TRPS1: variants seen among roughly 807,000 people sequenced by gnomAD.
The protein encoded by TRPS1 is zinc finger transcription factor Trps1.
In TRPS1, 6 loss-of-function variants were observed where a neutral mutation model predicts 101.2. The ratio of observed to expected loss-of-function variants is 0.06; its 90% CI spans 0.03 to 0.12. The LOEUF (loss-of-function observed/expected upper bound fraction) is 0.12, where lower values mean the gene tolerates loss of function less well. Among genes scored for constraint, TRPS1 ranks in the 10% least tolerant of loss-of-function variants. TRPS1 has a pLI of 1.00. For missense variants in TRPS1, 1,363 were observed against 1,567.0 expected, an observed-to-expected ratio of 0.87 and a Z score of 2.20; for synonymous variants, 578 against 589.8, an observed-to-expected ratio of 0.98 and a Z score of 0.29.
chr8:115,512,083 G>A (rs1586350254), intron 5 of TRPS1, among the ~76,000 whole-genome samples: 1 of 151,830 alleles, frequency 6.6e-6, no homozygotes, highest in Non-Finnish European at 1.5e-5. Flanking sequence ...GTCACTAAGG[G>A]TGTGTAAGCA....
chr8:115,477,376 T>C (rs879641359), intron 5 of TRPS1, among the ~76,000 whole-genome samples: 9 of 152,242 alleles, frequency 5.9e-5, no homozygotes, highest in African/African-American at 9.6e-5. Flanking sequence ...CCATTAGCTC[T>C]GGACTAGCAG....
At chr8:115,487,835 G>C (rs1481537810) in intron 5 of TRPS1, among the ~76,000 whole-genome samples, 1 of 152,210 alleles carries the variant, frequency 6.6e-6, no homozygotes, top group East Asian at 1.9e-4. Flanking sequence ...TAGTAAATAT[G>C]CTGTGAATGT....
chr8:115,461,316 C>G, intron 5 of TRPS1, among the ~76,000 whole-genome samples: 1 of 151,738 alleles, frequency 6.6e-6, no homozygotes, highest in Admixed American at 6.6e-5. Context: ...TACATACATA[C>G]ATACATACAT....
chr8:115,597,326 A>G (rs1817809754), intron 4 of TRPS1, among the ~76,000 whole-genome samples: 1 of 151,968 alleles, frequency 6.6e-6, no homozygotes, highest in African/African-American at 2.4e-5. Context: ...AAAGGGATAT[A>G]AAGGGATCTC....
chr8:115,522,165 C>G (rs757715060), intron 5 of TRPS1, among the ~76,000 whole-genome samples: 4 of 151,834 alleles, frequency 2.6e-5, no homozygotes, highest in Admixed American at 6.6e-5. Flanking sequence ...TAATCACCAA[C>G]CTGTTAGAAT....
chr8:115,661,780 C>T (rs1172249551), intron 1 of TRPS1: 2 of 148,442 alleles, frequency 1.3e-5, no homozygotes, highest in African/African-American at 5.0e-5. Context: ...TCATCTTCCA[C>T]AAAACCTCCC....
intron 1 of TRPS1, among the ~76,000 whole-genome samples, chr8:115,624,492 C>T (rs2142331): frequency 0.73 from 110,147 of 151,846 alleles, 41,325 homozygotes; most frequent in African/African-American, 0.92. Flanking sequence ...GCATATTATA[C>T]GCCAAGATAT....
chr8:115,587,261 G>A lies in TRPS1; in HGVS notation c.2440C>T (p.Arg814Trp), dbSNP rs1358796184. The change falls in exon 5 of 7, where the codon CGG (arginine) becomes TGG (tryptophan). Residue 814 changes from arginine (R) to tryptophan (W), a missense_variant. Arg to Trp is a moderately radical substitution (Grantham distance 101, BLOSUM62 -3). Transcript: ENST00000395715. Reference protein sequence around the residue: ...NVTWRGADILRGSPSYTQASL... With the variant: ...NVTWRGADILWGSPSYTQASL... ...GCTTGGGTGTATGACGGACTCCCCCGCAGGATGTCTGCCCCTCTCCAAGTC... is the reference window on the plus strand; with the variant it reads ...GCTTGGGTGTATGACGGACTCCCCCACAGGATGTCTGCCCCTCTCCAAGTC... The A allele has an allele frequency of 6.2e-6, 10 of 1,614,042 alleles. No homozygotes were observed. Among genetic ancestry groups the A allele is most frequent in the Non-Finnish European group, 8.5e-6 (10 of 1,180,018 alleles).
chr8:115,517,932 T>C (rs1815756698), intron 5 of TRPS1, among the ~76,000 whole-genome samples: 1 of 149,748 alleles, frequency 6.7e-6, no homozygotes, highest in Non-Finnish European at 1.5e-5. Flanking sequence ...CCTAACTATG[T>C]AGTAAAACTT....
At chr8:115,637,488 C>T (rs1176032435) in intron 1 of TRPS1, among the ~76,000 whole-genome samples, 1 of 152,226 alleles carries the variant, frequency 6.6e-6, no homozygotes, top group East Asian at 1.9e-4. Flanking sequence ...AGAAATATCG[C>T]ACAGGTTCAG....
intron 5 of TRPS1, among the ~76,000 whole-genome samples, chr8:115,473,673 G>A (rs1293762522): frequency 1.3e-5 from 2 of 152,106 alleles, no homozygotes; most frequent in Admixed American, 6.6e-5. Context: ...TTGACCAAAT[G>A]GCTTATGCTT....
chr8:115,604,669 C>T lies in TRPS1; in HGVS notation c.1300G>A (p.Asp434Asn), dbSNP rs754601803. ...TCTGTACCATTTTGTCTAGAGGAAT[C>T]GAGGGGCTTTATGGGCACTGAGTAC... ...VGYSVPIKPL[D>N]SSRQNGTEAT... is the part of the protein sequence containing the mutation. Residue 434 changes from aspartate (D) to asparagine (N), a missense_variant, in exon 4 of 7, where the codon GAT (aspartate) becomes AAT (asparagine). Physicochemically the swap from Asp to Asn is conservative, Grantham distance 23. This residue lies in a region of TRPS1 where 1,020 missense variants were observed against 1,073.0 expected (regional missense o/e 0.95). Transcript: ENST00000395715. This position sits in a 1 kb window ranked among gnomAD's most constrained non-coding sequence, Gnocchi z 4.1. 3.1e-6 allele frequency: 5 copies of T among 1,613,758 alleles called. No individual in the cohort carries two copies. The highest frequency in any genetic ancestry group is 1.3e-5 in the African/African-American group (1 of 74,866).
At chr8:115,588,454 G>A (rs901034839) in intron 4 of TRPS1, among the ~76,000 whole-genome samples, 17 of 152,092 alleles carry the variant, frequency 1.1e-4, no homozygotes, top group Non-Finnish European at 7.4e-5. Flanking sequence ...TTAAAAGGGT[G>A]TGTGTGTGTT....
chr8:115,417,837 TG>T (rs1812959257), intron 6 of TRPS1, among the ~76,000 whole-genome samples: 1 of 152,190 alleles, frequency 6.6e-6, no homozygotes, highest in African/African-American at 2.4e-5. Context: ...AGTTCAGAAC[TG>T]TCCTTCCGAA....
chr8:115,483,485 A>G (rs938851849), intron 5 of TRPS1, among the ~76,000 whole-genome samples: 2 of 151,678 alleles, frequency 1.3e-5, no homozygotes, highest in African/African-American at 4.9e-5. Flanking sequence ...GTGAGCTGTA[A>G]TCATGCTACT....
intron 5 of TRPS1, among the ~76,000 whole-genome samples, chr8:115,574,510 C>A (rs761712678): frequency 6.6e-6 from 1 of 152,092 alleles, no homozygotes; most frequent in Non-Finnish European, 1.5e-5. Flanking sequence ...TGAAAAGAGA[C>A]AGGACATAGA....
At chr8:115,625,622 ATTAAT>A (rs1003164145) in intron 1 of TRPS1, among the ~76,000 whole-genome samples, 7 of 152,112 alleles carry the variant, frequency 4.6e-5, no homozygotes, top group South Asian at 4.1e-4. Context: ...ATTATTTGTC[ATTAAT>A]TTAAGAAAGA....
intron 5 of TRPS1, among the ~76,000 whole-genome samples, chr8:115,427,907 A>T (rs1001062230): frequency 6.6e-6 from 1 of 152,092 alleles, no homozygotes; most frequent in African/African-American, 2.4e-5. Flanking sequence ...CAAAAAAAAT[A>T]AAAAAAGTAT....
intron 1 of TRPS1, among the ~76,000 whole-genome samples, chr8:115,664,831 G>A (rs558400219): frequency 5.3e-5 from 8 of 152,166 alleles, no homozygotes; most frequent in South Asian, 4.1e-4. Flanking sequence ...GCTGTCCTGC[G>A]GAAACTAAAT....
Sources: gnomAD v4.1 joint callset for allele counts (sites outside exome capture counted in the v4.1 genomes callset) on GRCh38, gnomAD v4.1.1 for gene constraint, gnomAD v4.1.1 regional missense constraint, Gnocchi (gnomAD v3.1) non-coding constraint, MANE v1.5 for transcripts, NCBI Gene and HGNC (gene_info 2026-07-23, HGNC 2026-07-21) for gene names.